The following VPS35L variants were observed in gnomAD, a reference collection of about 807,000 sequenced individuals.
VPS35L encodes VPS35 endosomal protein sorting factor like, also known as VPS35 endosomal protein-sorting factor-like.
In VPS35L, 83 loss-of-function variants were observed where a neutral mutation model predicts 133.0. The ratio of observed to expected loss-of-function variants is 0.62; its 90% CI spans 0.52 to 0.75. VPS35L has a LOEUF of 0.75. VPS35L is among the 30% of genes least tolerant of loss of function. VPS35L has a pLI of 0.00. For missense variants in VPS35L, 1,083 were observed against 1,206.8 expected (o/e 0.90, Z 1.52); for synonymous variants, 423 against 449.9 (o/e 0.94, Z 0.76).
intron 8 of VPS35L, among the ~76,000 whole-genome samples, chr16:19,598,612 C>T (rs1347207357): frequency 1.3e-5 from 2 of 151,866 alleles, no homozygotes; most frequent in African/African-American, 2.4e-5. Context: ...GGTGAGACCT[C>T]GTCTCTACGA....
At position 19,637,645 on chromosome 16, in the gene VPS35L, C is replaced by T; in HGVS notation, c.1687C>T (p.Leu563Phe). The T allele has an allele frequency of 6.3e-7, 1 of 1,578,492 alleles. No individual in the cohort carries two copies. Among genetic ancestry groups the T allele is most frequent in the African/African-American group, 1.4e-5 (1 of 73,892 alleles). ...TGCCCACTTCCATGACTTCTCAGTT[C>T]TTTTCTCAGTGGTAAGTAGGATTTC... ...VIAHFHDFSV[L>F]FSVEKFLPFL... Residue 563 changes from leucine (L) to phenylalanine (F), a missense_variant, in exon 20 of 31, where the codon CTT becomes TTT. Leu to Phe is a conservative substitution (Grantham distance 22). Transcript: ENST00000417362.
At chr16:19,645,787 G>A (rs1009421892) in intron 23 of VPS35L, among the ~76,000 whole-genome samples, 1 of 152,346 alleles carries the variant, frequency 6.6e-6, no homozygotes, top group South Asian at 2.1e-4. Flanking sequence ...AGTCAGGAGG[G>A]CCGAGAGTGG....
intron 27 of VPS35L, among the ~76,000 whole-genome samples, chr16:19,674,500 G>A (rs114461275): frequency 5.9e-5 from 9 of 151,960 alleles, no homozygotes; most frequent in Admixed American, 1.3e-4. Context: ...GAGCCTCTGC[G>A]TGCAGCCTAC....
At chr16:19,646,464 G>A (rs886360108) in intron 23 of VPS35L, among the ~76,000 whole-genome samples, 10 of 152,194 alleles carry the variant, frequency 6.6e-5, no homozygotes, top group African/African-American at 2.2e-4. Flanking sequence ...CGGTCAGGTC[G>A]AGACCAGCCT....
At chr16:19,575,724 G>A (rs1026194554) in intron 5 of VPS35L, among the ~76,000 whole-genome samples, 7 of 150,930 alleles carry the variant, frequency 4.6e-5, no homozygotes, top group Non-Finnish European at 7.4e-5. Flanking sequence ...TTTGCTGGGC[G>A]TGGTGGTACA....
chr16:19,648,100 T>A (rs1362305956), intron 24 of VPS35L, among the ~76,000 whole-genome samples: 1 of 152,008 alleles, frequency 6.6e-6, no homozygotes, highest in Non-Finnish European at 1.5e-5. Context: ...GACTACCAGC[T>A]CAAGCCACGA....
chr16:19,647,900 T>G lies in VPS35L; in HGVS notation c.2028+18T>G. On this transcript the variant is annotated intron_variant, in intron 24 of 30. Coordinates refer to ENST00000417362, the MANE Select transcript of VPS35L (RefSeq NM_020314.7). ...TGATTCATGTAAGTATTTTCATTCA[T>G]TAGTTTCTTCTCTCAGTAAATATTT... 6.4e-7 allele frequency: 1 copy of G among 1,568,634 alleles called. No homozygotes were observed. The highest frequency in any genetic ancestry group is 8.8e-7 in the Non-Finnish European group (1 of 1,138,832).
At chr16:19,599,344 T>A (rs2151536074) in intron 8 of VPS35L, among the ~76,000 whole-genome samples, 1 of 152,264 alleles carries the variant, frequency 6.6e-6, no homozygotes, top group East Asian at 1.9e-4. Flanking sequence ...GCAGCCCAGT[T>A]GGAGAAGCAC....
intron 26 of VPS35L, among the ~76,000 whole-genome samples, chr16:19,658,698 AGAG>A (rs1179690668): frequency 1.3e-5 from 2 of 150,278 alleles, no homozygotes; most frequent in African/African-American, 5.0e-5. Flanking sequence ...AAAAAAAAAA[AGAG>A]GTGGCATTGA....
Position 19,573,251 on chromosome 16 carries a change from A to G in VPS35L, c.408+10A>G, listed in dbSNP as rs761403020. Reference sequence around the variant, plus strand: ...CGAAAAGCTGTCTATTGTGAGTACCAGGAGACCCTCTCCAGAGTCTACTTT... The same window carrying G: ...CGAAAAGCTGTCTATTGTGAGTACCGGGAGACCCTCTCCAGAGTCTACTTT... On this transcript the variant is annotated intron_variant, in intron 4 of 30. Transcript: ENST00000417362. The G allele has an allele frequency of 6.2e-7, 1 of 1,612,832 alleles. No individual in the cohort carries two copies. Among genetic ancestry groups the G allele is most frequent in the South Asian group, 1.1e-5 (1 of 90,886 alleles).
chr16:19,660,679 G>A (rs1974454627), intron 26 of VPS35L, among the ~76,000 whole-genome samples: 1 of 152,158 alleles, frequency 6.6e-6, no homozygotes. Flanking sequence ...ACAAAAGGTT[G>A]CATTTACTCT....
chr16:19,581,533 A>G lies in VPS35L; in HGVS notation c.519A>G (p.Gln173=). 1 of 1,601,310 alleles carries G rather than the reference A, an allele frequency of 6.2e-7. No individual in the cohort carries two copies. Among genetic ancestry groups the G allele is most frequent in the South Asian group, 1.1e-5 (1 of 89,400 alleles). ...CTGCCTTCTCCCCACAGGGTTCCCA[A>G]AAGGAGCTGTTGAACTTGACTCAGC... ...EELDDFEEGS[Q]KELLNLTQQD... Residue 173 remains glutamine, a synonymous_variant, in exon 7 of 31, where the codon CAA becomes CAG. Transcript: ENST00000417362.
At chr16:19,640,975 T>A (rs1011802917) in intron 21 of VPS35L, among the ~76,000 whole-genome samples, 1 of 152,202 alleles carries the variant, frequency 6.6e-6, no homozygotes, top group Non-Finnish European at 1.5e-5. Flanking sequence ...CTTCATCTCC[T>A]GGGCTCAAGC....
intron 12 of VPS35L, among the ~76,000 whole-genome samples, chr16:19,613,843 C>T (rs1413728652): frequency 6.6e-6 from 1 of 152,144 alleles, no homozygotes; most frequent in African/African-American, 2.4e-5. Flanking sequence ...TCCCCAGAGA[C>T]AAATCTAATT....
chr16:19,573,252 G>C lies in VPS35L; in HGVS notation c.408+11G>C. The C allele has an allele frequency of 6.2e-7, 1 of 1,612,676 alleles. No homozygotes were observed. The highest frequency in any genetic ancestry group is 8.5e-7 in the Non-Finnish European group (1 of 1,179,300). ...GAAAAGCTGTCTATTGTGAGTACCA[G>C]GAGACCCTCTCCAGAGTCTACTTTG... On this transcript the variant is annotated intron_variant, in intron 4 of 30. Transcript: ENST00000417362.
At chr16:19,593,637 G>A (rs115957024) in intron 8 of VPS35L, among the ~76,000 whole-genome samples, 3,889 of 152,244 alleles carry the variant, frequency 0.026, 177 homozygotes, top group African/African-American at 0.089. Context: ...CCTTGGGCCG[G>A]GCATGGTGGC....
chr16:19,645,290 C>CT (rs11337040), intron 23 of VPS35L, among the ~76,000 whole-genome samples: 2,309 of 128,446 alleles, frequency 0.018, 30 homozygotes, highest in African/African-American at 0.023. Context: ...TGTCTTTTTT[C>CT]TTTTTTTTTT....
chr16:19,635,845 A>G (rs1190049473), intron 19 of VPS35L, among the ~76,000 whole-genome samples: 3 of 152,178 alleles, frequency 2.0e-5, no homozygotes, highest in Non-Finnish European at 4.4e-5. Context: ...GGGAGTTCTC[A>G]GTACTATTCT....
At chr16:19,642,537 C>A in intron 22 of VPS35L, 61 bp downstream of exon 22, 1 of 1,352,470 alleles carries the variant, frequency 7.4e-7, no homozygotes, top group Admixed American at 1.9e-5. Flanking sequence ...CCTAATAGGA[C>A]ATTAGGGAAT....
Sources: allele counts gnomAD v4.1 joint callset (sites outside exome capture counted in the v4.1 genomes callset), GRCh38; gene constraint gnomAD v4.1.1; transcripts MANE v1.5; gene names NCBI Gene and HGNC (gene_info 2026-07-23, HGNC 2026-07-21).